Variants in PTK2B observed in about 807,000 individuals in gnomAD.
The protein encoded by PTK2B is protein-tyrosine kinase 2-beta.
A neutral mutation model predicts 142.9 loss-of-function variants in PTK2B; 71 were observed. The observed-to-expected ratio is 0.50, with a 90% CI of 0.41 to 0.61. The LOEUF is 0.61. PTK2B is among the 20% of genes least tolerant of loss of function. The pLI is 0.00. For synonymous variants in PTK2B, 519 were observed against 503.4 expected (o/e 1.03, Z -0.42); for missense variants, 1,105 against 1,320.4 (o/e 0.84, Z 2.53).
intron 1 of PTK2B, among the ~76,000 whole-genome samples, chr8:27,326,284 A>G (rs895338896): frequency 6.6e-6 from 1 of 151,396 alleles, no homozygotes; most frequent in Non-Finnish European, 1.5e-5. Flanking sequence ...CCATTCTGGT[A>G]TCTTGAGAAG....
At chr8:27,434,618 A>C (rs749543499) in intron 13 of PTK2B, 59 bp downstream of exon 13, 788 of 1,539,094 alleles carry the variant, frequency 5.1e-4, no homozygotes, top group Non-Finnish European at 6.7e-4. Context: ...CTTGCTCCCC[A>C]CTGCTTGCTC....
At chr8:27,317,591 T>C (rs1020365891) in intron 3 of PTK2B, among the ~76,000 whole-genome samples, 1 of 152,256 alleles carries the variant, frequency 6.6e-6, no homozygotes. Context: ...CCTTTGCAGA[T>C]AGTTCACTGT....
chr8:27,315,777 G>A (rs1803081616), intron 3 of PTK2B, among the ~76,000 whole-genome samples: 1 of 152,166 alleles, frequency 6.6e-6, no homozygotes. Context: ...AAAGGACTTA[G>A]TTCTAGTCCA....
intron 1 of PTK2B, among the ~76,000 whole-genome samples, chr8:27,343,544 G>A (rs552927412): frequency 6.6e-6 from 1 of 152,234 alleles, no homozygotes; most frequent in South Asian, 2.1e-4. Context: ...TTTTATACCT[G>A]TCTAATGACA....
At chr8:27,366,056 C>A (rs1001859889) in intron 1 of PTK2B, among the ~76,000 whole-genome samples, 1 of 152,240 alleles carries the variant, frequency 6.6e-6, no homozygotes, top group Non-Finnish European at 1.5e-5. Flanking sequence ...CTTCATGACA[C>A]CATGTTTCAA....
At chr8:27,361,438 G>A (rs930077478) in intron 1 of PTK2B, among the ~76,000 whole-genome samples, 2 of 152,074 alleles carry the variant, frequency 1.3e-5, no homozygotes, top group East Asian at 1.9e-4. Flanking sequence ...TGCTCCAGCT[G>A]TTCTTGAACT....
intron 2 of PTK2B, among the ~76,000 whole-genome samples, chr8:27,408,247 A>G (rs546165351): frequency 6.6e-6 from 1 of 152,348 alleles, no homozygotes; most frequent in East Asian, 1.9e-4. Context: ...AAAGTATTCC[A>G]TGTAAAAACA....
chr8:27,431,951 A>G (rs1371706022), intron 9 of PTK2B, among the ~76,000 whole-genome samples: 2 of 151,870 alleles, frequency 1.3e-5, no homozygotes, highest in African/African-American at 4.8e-5. Flanking sequence ...GCCCACCACA[A>G]ATTCGTAAAC....
At position 27,355,077 on chromosome 8, in the gene PTK2B, A is replaced by G. The variant is rs534797367; in HGVS notation, c.-38+29396A>G. On this transcript the variant is annotated intron_variant, in intron 1 of 30. Coordinates refer to ENST00000346049, the MANE Select transcript of PTK2B (RefSeq NM_173176.3). ...GGAGCATTAGCTCTAATACTCTGCT[A>G]CAGGCTGTCTAATAACAACCTCCCA... 2.0e-5 allele frequency among the ~76,000 whole-genome samples: 3 copies of G among 152,336 alleles called. No individual in the cohort carries two copies. In the South Asian group the frequency reaches 6.2e-4, roughly 32 times the overall value.
intron 1 of PTK2B, among the ~76,000 whole-genome samples, chr8:27,395,103 A>C (rs538974325): frequency 6.6e-6 from 1 of 152,348 alleles, no homozygotes; most frequent in South Asian, 2.1e-4. Context: ...ATACTCTAAA[A>C]TAATGATAAA....
At chr8:27,420,165 C>A in intron 3 of PTK2B, 92 bp downstream of exon 3, 1 of 1,446,908 alleles carries the variant, frequency 6.9e-7, no homozygotes. Context: ...CACTCCCCTG[C>A]CTCAGAAACT....
Position 27,450,961 on chromosome 8 carries a change from G to A in PTK2B, c.2487+66G>A, listed in dbSNP as rs1259113596. ...TGTGTCCTCTTCCACCTCCCCAGGT[G>A]GCTGGGGCAAGGGTCCCCTGCATTC... On this transcript the variant is annotated intron_variant, in intron 25 of 30. Coordinates refer to ENST00000346049, the MANE Select transcript of PTK2B (RefSeq NM_173176.3). 7 of 1,612,126 alleles carry A rather than the reference G, an allele frequency of 4.3e-6. No homozygotes were observed. The Admixed American group carries it at 1.0e-4, about 23-fold the overall frequency.
chr8:27,438,913 A>C, intron 18 of PTK2B, 118 bp from the exon 19 acceptor site: 3 of 917,072 alleles, frequency 3.3e-6, no homozygotes, highest in Non-Finnish European at 5.1e-6. Context: ...TCTGCTCTGG[A>C]GTCCGAGTCC....
Position 27,363,232 on chromosome 8 carries a change from AG to A in PTK2B, c.-37-34312del, listed in dbSNP as rs1023992505. Among the ~76,000 whole-genome samples, 17 of 152,004 alleles carry A rather than the reference AG, an allele frequency of 1.1e-4. No individual in the cohort carries two copies. The highest frequency in any genetic ancestry group is 4.1e-4 in the African/African-American group (17 of 41,378). On this transcript the variant is annotated intron_variant, in intron 1 of 30. Transcript: ENST00000346049. This position sits in a 1 kb window ranked among gnomAD's most constrained non-coding sequence, Gnocchi z 4.3. The stretch of plus-strand genomic sequence containing the variant: ...GCTTTTGGGAAGCTTTGAGGGAGAG[AG>A]GGGAGCCAGAGAGGACGTCTCGTGA...
At chr8:27,339,110 T>A (rs1043911763) in intron 1 of PTK2B, among the ~76,000 whole-genome samples, 12 of 152,226 alleles carry the variant, frequency 7.9e-5, no homozygotes, top group Admixed American at 7.2e-4. Context: ...ATCATCTTCC[T>A]TTAAAAATGG....
At chr8:27,430,725 TG>T in intron 7 of PTK2B, 150 bp from the exon 8 acceptor site, 1 of 1,171,022 alleles carries the variant, frequency 8.5e-7, no homozygotes, top group Non-Finnish European at 1.2e-6. Flanking sequence ...ACAATGGGTA[TG>T]GGTTTTAGGT....
chr8:27,439,162 C>G, intron 19 of PTK2B, 31 bp downstream of exon 19: 1 of 1,603,498 alleles, frequency 6.2e-7, no homozygotes, highest in Non-Finnish European at 8.5e-7. Flanking sequence ...CTGCATTGGC[C>G]TTGGAGGGGT....
At chr8:27,337,642 A>C (rs976645747) in intron 1 of PTK2B, among the ~76,000 whole-genome samples, 2 of 152,352 alleles carry the variant, frequency 1.3e-5, no homozygotes, top group African/African-American at 4.8e-5. Flanking sequence ...GCTTTCACTT[A>C]GCACAATGTT....
chr8:27,451,822 T>C (rs1106359), intron 27 of PTK2B: 507,201 of 1,222,074 alleles, frequency 0.42, 108,016 homozygotes, highest in African/African-American at 0.61. Context: ...CCTGCTCTGT[T>C]GGAAGCTCCC....
Sources: allele counts gnomAD v4.1 joint callset (sites outside exome capture counted in the v4.1 genomes callset), GRCh38; gene constraint gnomAD v4.1.1; non-coding constraint Gnocchi (gnomAD v3.1); transcripts MANE v1.5; gene names NCBI Gene and HGNC (gene_info 2026-07-23, HGNC 2026-07-21).